PRKN: variants seen among roughly 807,000 people sequenced by gnomAD.
PRKN encodes parkin RBR E3 ubiquitin protein ligase, also known as E3 ubiquitin-protein ligase parkin.
A neutral mutation model predicts 59.5 loss-of-function variants in PRKN; 56 were observed. The ratio of observed to expected loss-of-function variants is 0.94; its 90% CI spans 0.76 to 1.18. The LOEUF (loss-of-function observed/expected upper bound fraction) is 1.18, where lower values mean the gene tolerates loss of function less well. Among genes scored for constraint, PRKN ranks in the 50% most tolerant of loss-of-function variants. The pLI is 0.00. For synonymous variants in PRKN, 250 were observed against 222.1 expected (o/e 1.13, Z -1.12); for missense variants, 657 against 596.4 (o/e 1.10, Z -1.06).
In PRKN at chr6:161,390,354, G is replaced by T. The variant is rs1370314678; in HGVS notation, c.1084-3477C>A. Reference sequence around the variant, plus strand: ...CTATGTGATTTATTAACTCAAGGTAGTTCCCAGTGTTAATGTAGATTGTGC... The same window carrying T: ...CTATGTGATTTATTAACTCAAGGTATTTCCCAGTGTTAATGTAGATTGTGC... On this transcript the variant is annotated intron_variant, in intron 9 of 11. Transcript: ENST00000366898. This position sits in a 1 kb window ranked among gnomAD's most constrained non-coding sequence, Gnocchi z 7.0. Among the ~76,000 whole-genome samples, 1 of 152,208 alleles carries T rather than the reference G, an allele frequency of 6.6e-6. No homozygotes were observed. Among genetic ancestry groups the T allele is most frequent in the Non-Finnish European group, 1.5e-5 (1 of 68,034 alleles).
At chr6:161,609,175 G>A (rs1378231833) in intron 7 of PRKN, among the ~76,000 whole-genome samples, 2 of 152,154 alleles carry the variant, frequency 1.3e-5, no homozygotes, top group Non-Finnish European at 2.9e-5. Context: ...CTGCAAGTGA[G>A]CTAGCTAGGA....
At chr6:161,612,621 C>A (rs991316849) in intron 7 of PRKN, among the ~76,000 whole-genome samples, 1 of 147,324 alleles carries the variant, frequency 6.8e-6, no homozygotes, top group African/African-American at 2.5e-5. Flanking sequence ...CTCAGGAGGC[C>A]GAGGCAGGAG....
chr6:162,663,869 A>G (rs922833856), intron 1 of PRKN, among the ~76,000 whole-genome samples: 9 of 152,158 alleles, frequency 5.9e-5, no homozygotes, highest in Non-Finnish European at 1.3e-4. Flanking sequence ...GTGAAGCCCC[A>G]CAATACTTTT....
intron 3 of PRKN, among the ~76,000 whole-genome samples, chr6:162,209,088 A>T (rs1009228799): frequency 9.2e-5 from 14 of 152,192 alleles, no homozygotes; most frequent in Non-Finnish European, 1.3e-4. Flanking sequence ...AAAAGCCAAA[A>T]TTGACAAATG....
chr6:161,495,372 G>A (rs923829788), intron 9 of PRKN, among the ~76,000 whole-genome samples: 1 of 152,104 alleles, frequency 6.6e-6, no homozygotes, highest in African/African-American at 2.4e-5. Flanking sequence ...TTCTCCTCCC[G>A]ATGTGTATCT....
At chr6:162,161,575 T>C (rs370119847) in intron 4 of PRKN, among the ~76,000 whole-genome samples, 9 of 152,328 alleles carry the variant, frequency 5.9e-5, no homozygotes, top group African/African-American at 2.2e-4. Flanking sequence ...GAATCATCTT[T>C]GTCCGGCGTA....
At chr6:162,084,743 G>C (rs1314900408) in intron 4 of PRKN, among the ~76,000 whole-genome samples, 3 of 151,876 alleles carry the variant, frequency 2.0e-5, no homozygotes, top group African/African-American at 7.3e-5. Context: ...TGTAGTTACA[G>C]GAACTGTGGC....
At chr6:161,755,521 G>A (rs1788879106) in intron 7 of PRKN, among the ~76,000 whole-genome samples, 1 of 152,050 alleles carries the variant, frequency 6.6e-6, no homozygotes, top group Admixed American at 6.6e-5. Context: ...GCAGACAGTA[G>A]TAGGTTATTG....
At chr6:162,682,799 A>C (rs970632343) in intron 1 of PRKN, among the ~76,000 whole-genome samples, 1 of 152,186 alleles carries the variant, frequency 6.6e-6, no homozygotes, top group African/African-American at 2.4e-5. Flanking sequence ...AAAATTAAAA[A>C]AGAAGAAAAA....
intron 9 of PRKN, among the ~76,000 whole-genome samples, chr6:161,501,351 T>C (rs1305660544): frequency 6.6e-6 from 1 of 152,208 alleles, no homozygotes; most frequent in East Asian, 1.9e-4. Flanking sequence ...TTGTTTTAAT[T>C]TGCAAATGCC....
chr6:162,464,504 T>A (rs1771339969), intron 1 of PRKN, among the ~76,000 whole-genome samples: 1 of 152,042 alleles, frequency 6.6e-6, no homozygotes, highest in Non-Finnish European at 1.5e-5. Flanking sequence ...CAAAGTCACA[T>A]TCTATTTCAT....
chr6:161,489,916 GT>G (rs1363410255), intron 9 of PRKN, among the ~76,000 whole-genome samples: 1 of 152,210 alleles, frequency 6.6e-6, no homozygotes, highest in Non-Finnish European at 1.5e-5. Flanking sequence ...ATTCATTTGA[GT>G]TCCGATGGCT....
intron 7 of PRKN, among the ~76,000 whole-genome samples, chr6:161,630,463 A>G (rs1158668480): frequency 6.6e-6 from 1 of 152,228 alleles, no homozygotes; most frequent in East Asian, 1.9e-4. Flanking sequence ...TTCAGAACTG[A>G]AATTAAATAA....
chr6:161,528,352 C>G (rs1422126724), intron 9 of PRKN, among the ~76,000 whole-genome samples: 1 of 151,552 alleles, frequency 6.6e-6, no homozygotes, highest in Non-Finnish European at 1.5e-5. Flanking sequence ...CTCATACACT[C>G]CAGGAGCTGT....
chr6:161,552,488 A>T lies in PRKN; in HGVS notation c.934-3485T>A, dbSNP rs142929612. Among the ~76,000 whole-genome samples the T allele has an allele frequency of 0.44, 50,212 of 113,084 alleles. 14,393 individuals are homozygous for T. The highest frequency in any genetic ancestry group is 0.65 in the East Asian group (2,414 of 3,714). 74.2% of individuals were successfully genotyped at this position (113,084 alleles called of 152,430 possible). ...TATGACTGTGAATGATCTCACGGTGATCCTCCAAGCCCCTCTCCCTCAGCT... is the reference window on the plus strand; with the variant it reads ...TATGACTGTGAATGATCTCACGGTGTTCCTCCAAGCCCCTCTCCCTCAGCT... On this transcript the variant is annotated intron_variant, in intron 8 of 11. Transcript: ENST00000366898. The surrounding 1 kb of genome is among the most constrained non-coding windows in gnomAD (Gnocchi z 4.9).
chr6:162,242,227 G>A (rs1264498219), intron 3 of PRKN, among the ~76,000 whole-genome samples: 1 of 152,102 alleles, frequency 6.6e-6, no homozygotes, highest in East Asian at 1.9e-4. Context: ...TCATTTCACT[G>A]TTGTATGTGT....
chr6:162,610,953 T>C lies in PRKN; in HGVS notation c.7+116709A>G, dbSNP rs557769271. ...TCACATGCATCCTACATAAGTATAATGAGTAGAAATATATACTTAGCATAC... is the reference window on the plus strand; with the variant it reads ...TCACATGCATCCTACATAAGTATAACGAGTAGAAATATATACTTAGCATAC... On this transcript the variant is annotated intron_variant, in intron 1 of 11. Transcript: ENST00000366898. 5.3e-5 allele frequency among the ~76,000 whole-genome samples: 8 copies of C among 152,296 alleles called. No individual in the cohort carries two copies. The South Asian group carries it at 1.7e-3, about 32-fold the overall frequency.
intron 7 of PRKN, among the ~76,000 whole-genome samples, chr6:161,625,619 T>C (rs1783055915): frequency 6.6e-6 from 1 of 152,238 alleles, no homozygotes; most frequent in Non-Finnish European, 1.5e-5. Flanking sequence ...CTTCTGCATA[T>C]AACCCATCGT....
intron 2 of PRKN, among the ~76,000 whole-genome samples, chr6:162,386,678 G>A (rs535201910): frequency 4.6e-5 from 7 of 152,342 alleles, no homozygotes; most frequent in East Asian, 1.9e-4. Context: ...ATGCGTGTAC[G>A]TACGTGTGCA....
Sources: gnomAD v4.1 joint callset for allele counts (sites outside exome capture counted in the v4.1 genomes callset) on GRCh38, gnomAD v4.1.1 for gene constraint, Gnocchi (gnomAD v3.1) non-coding constraint, MANE v1.5 for transcripts, NCBI Gene and HGNC (gene_info 2026-07-23, HGNC 2026-07-21) for gene names.